The following IL12A variants were observed in gnomAD, a reference collection of about 807,000 sequenced individuals.
IL12A encodes the protein interleukin 12A, also known as interleukin-12 subunit alpha.
A neutral mutation model predicts 23.5 loss-of-function variants in IL12A; 16 were observed. That is an observed-to-expected ratio of 0.68 (90% CI 0.46 to 1.03). The LOEUF (loss-of-function observed/expected upper bound fraction) is 1.03, where lower values mean the gene tolerates loss of function less well. IL12A is among the 50% of genes least tolerant of loss of function. The pLI is 0.00. For missense variants in IL12A, 275 were observed against 307.0 expected (o/e 0.90, Z 0.78); for synonymous variants, 106 against 111.5 (o/e 0.95, Z 0.31).
Position 159,993,854 on chromosome 3 carries a change from CATTCT to C in IL12A, c.606+13_606+17del. ...TGATGAGCTGATGCAGGTAAGACTT[CATTCT>C]ATCAGTGAGAGCACCTTTTTCATGC... On this transcript the variant is annotated intron_variant, in intron 6 of 6. Transcript: ENST00000305579. The C allele has an allele frequency of 6.2e-7, 1 of 1,613,686 alleles. No individual in the cohort carries two copies. The highest frequency in any genetic ancestry group is 8.5e-7 in the Non-Finnish European group (1 of 1,179,712).
chr3:159,993,667 A>T (rs1720396824), intron 5 of IL12A, 34 bp from the exon 6 acceptor site: 3 of 1,613,806 alleles, frequency 1.9e-6, no homozygotes, highest in Non-Finnish European at 2.5e-6. Context: ...AGCCCATCTC[A>T]ATGGATACTT....
intron 2 of IL12A, among the ~76,000 whole-genome samples, chr3:159,990,521 T>C (rs2108043554): frequency 6.6e-6 from 1 of 152,296 alleles, no homozygotes; most frequent in South Asian, 2.1e-4. Flanking sequence ...AGAGTAGTAA[T>C]AAATTATAAT....
intron 2 of IL12A, among the ~76,000 whole-genome samples, chr3:159,990,659 C>T (rs940474250): frequency 5.3e-5 from 8 of 152,116 alleles, no homozygotes; most frequent in Non-Finnish European, 1.0e-4. Context: ...TGATCAATCC[C>T]GGAAATAGTT....
chr3:159,993,802 T>TC lies in IL12A; in HGVS notation c.565dup (p.Leu189ProfsTer10). 1 of 1,614,176 alleles carries TC rather than the reference T, an allele frequency of 6.2e-7. No individual in the cohort carries two copies. Among genetic ancestry groups the TC allele is most frequent in the East Asian group, 2.2e-5 (1 of 44,884 alleles). ...TGATGGATCCTAAGAGGCAGATCTT[T>TC]CTAGATCAAAACATGCTGGCAGTTA... On this transcript the variant is annotated frameshift_variant, in exon 6 of 7. Transcript: ENST00000305579. LOFTEE classifies it low-confidence loss of function (END_TRUNC).
chr3:159,992,492 C>G (rs891568532), intron 2 of IL12A, among the ~76,000 whole-genome samples: 1 of 152,164 alleles, frequency 6.6e-6, no homozygotes, highest in African/African-American at 2.4e-5. Context: ...TTTTACCCAA[C>G]GGTGCTTTCC....
At chr3:159,992,875 G>A (rs573904817) in intron 2 of IL12A, 137 bp from the exon 3 acceptor site, 1 of 599,698 alleles carries the variant, frequency 1.7e-6, no homozygotes, top group Non-Finnish European at 3.0e-6. Context: ...TGAAGAACCA[G>A]AATTTCCTGC....
At chr3:159,993,912 A>C in intron 6 of IL12A, 68 bp downstream of exon 6, 2 of 1,534,502 alleles carry the variant, frequency 1.3e-6, no homozygotes, top group South Asian at 2.3e-5. Context: ...GGTCTTTGAT[A>C]AAGAGATATA....
chr3:159,994,969 A>C (rs1182124030), intron 6 of IL12A, among the ~76,000 whole-genome samples: 1 of 152,224 alleles, frequency 6.6e-6, no homozygotes, highest in Non-Finnish European at 1.5e-5. Context: ...GGTTTATCTG[A>C]CACAAATGGC....
At chr3:159,991,784 C>T (rs1262730184) in intron 2 of IL12A, among the ~76,000 whole-genome samples, 2 of 152,216 alleles carry the variant, frequency 1.3e-5, no homozygotes, top group Non-Finnish European at 2.9e-5. Flanking sequence ...AGGCTGCCCA[C>T]ATTCCTTGAC....
In IL12A at chr3:159,993,504, A is replaced by G; in HGVS notation, c.420+12A>G. 6.2e-7 allele frequency: 1 copy of G among 1,613,942 alleles called. No homozygotes were observed. The highest frequency in any genetic ancestry group is 8.5e-7 in the Non-Finnish European group (1 of 1,179,848). ...CCTCTTTCATAACTGTAAGTCAAAA[A>G]ATGAAAAGTTTCAGCCTGTATGATG... On this transcript the variant is annotated intron_variant, in intron 4 of 6. Transcript: ENST00000305579.
intron 2 of IL12A, 60 bp downstream of exon 2, chr3:159,990,372 G>T (rs1345969707): frequency 1.3e-6 from 2 of 1,538,162 alleles, no homozygotes; most frequent in East Asian, 2.3e-5. Flanking sequence ...AGGGGCCTCT[G>T]ATCCTCCCCT....
chr3:159,994,864 G>A (rs547085946), intron 6 of IL12A, among the ~76,000 whole-genome samples: 13 of 152,222 alleles, frequency 8.5e-5, no homozygotes, highest in African/African-American at 2.9e-4. Flanking sequence ...TTTTTGTGAG[G>A]AAGATATGAA....
chr3:159,990,308 A>G lies in IL12A; in HGVS notation c.260A>G (p.Gln87Arg), dbSNP rs1284356298. The change falls in exon 2 of 7, where the codon CAG (glutamine) becomes CGG (arginine). Residue 87 changes from glutamine to arginine, a missense_variant. Coordinates refer to ENST00000305579, the MANE Select transcript of IL12A (RefSeq NM_000882.4). ...CTGAGGGCCGTCAGCAACATGCTCCAGAAGGTGAGCCTTTCCTGTCCTCTC... is the reference window on the plus strand; with the variant it reads ...CTGAGGGCCGTCAGCAACATGCTCCGGAAGGTGAGCCTTTCCTGTCCTCTC... 1.9e-6 allele frequency: 3 copies of G among 1,614,016 alleles called. No individual in the cohort carries two copies. The African/African-American group carries it at 4.0e-5, about 22-fold the overall frequency.
rs1720193041 is a variant in IL12A at position 159,988,856 on chromosome 3, G to A, written c.-201G>A. On this transcript the variant is annotated 5_prime_UTR_variant, in exon 1 of 7. Coordinates refer to ENST00000305579, the MANE Select transcript of IL12A (RefSeq NM_000882.4). ...GAACATTTCGCTTTCATTTTGGGCCGAGCTGGAGGCGGCGGGGCCGTCCCG... is the reference window on the plus strand; with the variant it reads ...GAACATTTCGCTTTCATTTTGGGCCAAGCTGGAGGCGGCGGGGCCGTCCCG... 1.0e-5 allele frequency: 6 copies of A among 586,400 alleles called. No homozygotes were observed. Among genetic ancestry groups the A allele is most frequent in the South Asian group, 1.0e-4 (5 of 49,970 alleles). 36.3% of individuals were successfully genotyped at this position (586,400 alleles called of 1,614,324 possible).
Position 159,989,008 on chromosome 3 carries a change from A to C in IL12A, c.-49A>C. 1 of 1,404,904 alleles carries C rather than the reference A, an allele frequency of 7.1e-7. No homozygotes were observed. The highest frequency in any genetic ancestry group is 1.4e-5 in the African/African-American group (1 of 70,824). The allele number at this position is 1,404,904 out of a possible 1,614,324, so 87.0% of individuals were successfully genotyped here. A position where few individuals can be genotyped will look rare whatever the true frequency, so the allele number is the denominator to read the frequency against. On this transcript the variant is annotated 5_prime_UTR_variant, in exon 1 of 7. Transcript: ENST00000305579. Reference sequence around the variant, plus strand: ...GACACAGAAGGAGACAGAAAGCAAGAGACCAGAGTCCCGGGAAAGTCCTGC... The same window carrying C: ...GACACAGAAGGAGACAGAAAGCAAGCGACCAGAGTCCCGGGAAAGTCCTGC...
rs910697559 is a variant in IL12A, at chr3:159,988,968, G to A, written c.-89G>A. ...GCCGCACCGCACGTGTCACCGAGAA[G>A]CTGATGTAGAGAGAGACACAGAAGG... On this transcript the variant is annotated 5_prime_UTR_variant, in exon 1 of 7. Coordinates refer to ENST00000305579, the MANE Select transcript of IL12A (RefSeq NM_000882.4). The A allele has an allele frequency of 4.5e-6, 5 of 1,102,740 alleles. No individual in the cohort carries two copies. Among genetic ancestry groups the A allele is most frequent in the Non-Finnish European group, 5.5e-6 (4 of 728,226 alleles). The allele number at this position is 1,102,740 out of a possible 1,614,324, so 68.3% of individuals were successfully genotyped here.
chr3:159,994,260 C>T (rs1432624199), intron 6 of IL12A: 1 of 158,974 alleles, frequency 6.3e-6, no homozygotes, highest in Non-Finnish European at 1.4e-5. Context: ...AGGACGTGCT[C>T]CAGGATGTGC....
In IL12A at chr3:159,993,582, G is replaced by A. The variant is rs776668796; in HGVS notation, c.435G>A (p.Leu145=). The change falls in exon 5 of 7, where the codon CTG becomes CTA. Residue 145 remains leucine (L), a synonymous_variant. Coordinates refer to ENST00000305579, the MANE Select transcript of IL12A (RefSeq NM_000882.4). The stretch of plus-strand genomic sequence containing the variant: ...TTTTCCTCTAGAATGGGAGTTGCCT[G>A]GCCTCCAGAAAGACCTCTTTTATGA... The A allele has an allele frequency of 6.2e-7, 1 of 1,614,060 alleles. No homozygotes were observed. Among genetic ancestry groups the A allele is most frequent in the Non-Finnish European group, 8.5e-7 (1 of 1,179,976 alleles).
Position 159,993,619 on chromosome 3 carries a change from A to G in IL12A, c.462+10A>G. Reference sequence around the variant, plus strand: ...GACCTCTTTTATGATGGTAAGACACACAGCTCTTTCCTCAAATGCAATGGG... The same window carrying G: ...GACCTCTTTTATGATGGTAAGACACGCAGCTCTTTCCTCAAATGCAATGGG... On this transcript the variant is annotated intron_variant, in intron 5 of 6. Coordinates refer to ENST00000305579, the MANE Select transcript of IL12A (RefSeq NM_000882.4). 1 of 1,614,128 alleles carries G rather than the reference A, an allele frequency of 6.2e-7. No individual in the cohort carries two copies. The highest frequency in any genetic ancestry group is 8.5e-7 in the Non-Finnish European group (1 of 1,179,976).
Sources: allele counts gnomAD v4.1 joint callset (sites outside exome capture counted in the v4.1 genomes callset), GRCh38; gene constraint gnomAD v4.1.1; transcripts MANE v1.5; gene names NCBI Gene and HGNC (gene_info 2026-07-23, HGNC 2026-07-21).